FSTL4: variants seen among roughly 807,000 people sequenced by gnomAD.
The protein encoded by FSTL4 is follistatin-related protein 4.
Under a neutral mutation model 78.2 loss-of-function variants are expected in FSTL4, and 28 were observed. The observed-to-expected ratio is 0.36, with a 90% CI of 0.27 to 0.49. The LOEUF (loss-of-function observed/expected upper bound fraction) is 0.49, where lower values mean the gene tolerates loss of function less well. Among genes scored for constraint, FSTL4 ranks in the 20% least tolerant of loss-of-function variants. FSTL4 has a pLI of 0.98. For missense variants in FSTL4, 922 were observed against 1,084.9 expected, an observed-to-expected ratio of 0.85 and a Z score of 2.11; for synonymous variants, 422 against 440.5, an observed-to-expected ratio of 0.96 and a Z score of 0.53.
the FSTL4 span, among the ~76,000 whole-genome samples, chr5:133,646,302 C>T: frequency 8.0e-3 from 1,221 of 152,156 alleles, 10 homozygotes; most frequent in South Asian, 0.015. Context: ...GAAAATAAGT[C>T]AAAGGCTCTG....
the FSTL4 span, among the ~76,000 whole-genome samples, chr5:133,689,831 C>T: frequency 2.7e-4 from 41 of 152,194 alleles, no homozygotes; most frequent in Non-Finnish European, 4.3e-4. Context: ...GAAGGATAGG[C>T]GGGTGGATCA....
intron 14 of FSTL4, among the ~76,000 whole-genome samples, chr5:133,205,249 A>G (rs1405498518): frequency 6.6e-6 from 1 of 152,130 alleles, no homozygotes; most frequent in African/African-American, 2.4e-5. Flanking sequence ...AACGTCCTAC[A>G]TGTTTTCTCT....
the FSTL4 span, among the ~76,000 whole-genome samples, chr5:133,638,842 C>T: frequency 1.3e-5 from 2 of 151,646 alleles, no homozygotes; most frequent in Non-Finnish European, 2.9e-5. Context: ...AAAAGTATAT[C>T]GTGAACACTT....
intron 4 of FSTL4, among the ~76,000 whole-genome samples, chr5:133,337,106 G>A (rs1049469602): frequency 6.6e-6 from 1 of 152,252 alleles, no homozygotes; most frequent in Non-Finnish European, 1.5e-5. Flanking sequence ...CACAGTGCTC[G>A]ATTTGGGATA....
chr5:133,225,140 G>A lies in FSTL4; in HGVS notation c.1312+10C>T. On this transcript the variant is annotated intron_variant, in intron 10 of 15. Coordinates refer to ENST00000265342, the MANE Select transcript of FSTL4 (RefSeq NM_015082.2). The surrounding 1 kb of genome is among the most constrained non-coding windows in gnomAD (Gnocchi z 4.6). ...AGCTCAGTGAGAAGCATAAACGCGT[G>A]TCGACTTACGGGTCTTTCTAGCTGA... 1 of 1,614,196 alleles carries A rather than the reference G, an allele frequency of 6.2e-7. No individual in the cohort carries two copies. Among genetic ancestry groups the A allele is most frequent in the South Asian group, 1.1e-5 (1 of 91,082 alleles).
intron 3 of FSTL4, among the ~76,000 whole-genome samples, chr5:133,444,620 G>A (rs1046616122): frequency 3.9e-5 from 6 of 152,208 alleles, no homozygotes; most frequent in African/African-American, 1.4e-4. Flanking sequence ...GAGCTGCTGG[G>A]CCCTGGCTTC....
chr5:133,537,015 G>A (rs766695744), intron 3 of FSTL4, among the ~76,000 whole-genome samples: 25 of 152,112 alleles, frequency 1.6e-4, no homozygotes, highest in Non-Finnish European at 2.6e-4. Flanking sequence ...CCTAGAGTAC[G>A]GCATTTTCAG....
the FSTL4 span, among the ~76,000 whole-genome samples, chr5:133,743,995 A>G: frequency 1.3e-5 from 2 of 152,226 alleles, no homozygotes; most frequent in African/African-American, 2.4e-5. Context: ...CGGCCCTAGG[A>G]GTGGCTGGCA....
chr5:133,227,628 G>A (rs977672611), intron 8 of FSTL4, among the ~76,000 whole-genome samples: 1 of 152,120 alleles, frequency 6.6e-6, no homozygotes, highest in South Asian at 2.1e-4. Flanking sequence ...TAATAAGCTT[G>A]GGTTCTTACT....
chr5:133,227,686 C>G (rs1050171713), intron 8 of FSTL4, among the ~76,000 whole-genome samples: 13 of 151,898 alleles, frequency 8.6e-5, no homozygotes, highest in Non-Finnish European at 1.8e-4. Flanking sequence ...ACAGAATAAA[C>G]TTAAAGAAAG....
intron 6 of FSTL4, among the ~76,000 whole-genome samples, chr5:133,300,412 G>A (rs79538589): frequency 1.3e-5 from 2 of 152,270 alleles, no homozygotes; most frequent in African/African-American, 2.4e-5. Flanking sequence ...AACCCTGTTT[G>A]TTCTGTCTGA....
At chr5:133,704,678 C>T in the FSTL4 span, among the ~76,000 whole-genome samples, 1 of 152,248 alleles carries the variant, frequency 6.6e-6, no homozygotes, top group African/African-American at 2.4e-5. Flanking sequence ...CCAGCCTGGG[C>T]ATGATAAGAT....
chr5:133,713,340 T>C, the FSTL4 span, among the ~76,000 whole-genome samples: 5 of 152,218 alleles, frequency 3.3e-5, no homozygotes, highest in African/African-American at 1.2e-4. Context: ...GCAAATTGCA[T>C]GATCTGATAG....
the FSTL4 span, among the ~76,000 whole-genome samples, chr5:133,737,851 C>T: frequency 6.6e-6 from 1 of 152,134 alleles, no homozygotes; most frequent in Non-Finnish European, 1.5e-5. Flanking sequence ...GATCCACCTG[C>T]CTCAGCCTCC....
the FSTL4 span, among the ~76,000 whole-genome samples, chr5:133,778,568 G>A: frequency 2.0e-5 from 3 of 152,164 alleles, no homozygotes; most frequent in Non-Finnish European, 4.4e-5. Flanking sequence ...GAGAGCTTGT[G>A]GGAACTCTGA....
chr5:133,252,985 C>A (rs1361990125), intron 6 of FSTL4, among the ~76,000 whole-genome samples: 2 of 152,196 alleles, frequency 1.3e-5, no homozygotes, highest in African/African-American at 4.8e-5. Context: ...ACTGATAGAA[C>A]CATCGTAGTT....
In FSTL4 at chr5:133,471,636, T is replaced by G. The variant is rs148804780; in HGVS notation, c.161-70650A>C. Among the ~76,000 whole-genome samples, 308 of 152,316 alleles carry G rather than the reference T, an allele frequency of 2.0e-3. 2 individuals carry two copies. Among genetic ancestry groups the G allele is most frequent in the African/African-American group, 7.0e-3 (292 of 41,564 alleles). ...TTAGACTTCTCAGCCACCGAAATTT[T>G]AAATTTCTGTTGTTTATCAGCTACC... On this transcript the variant is annotated intron_variant, in intron 3 of 15. Transcript: ENST00000265342.
chr5:133,642,775 G>T, the FSTL4 span, among the ~76,000 whole-genome samples: 11,010 of 152,192 alleles, frequency 0.072, 413 homozygotes, highest in Middle Eastern at 0.092. Context: ...AAAATAATAA[G>T]AAATTTAAAT....
intron 3 of FSTL4, among the ~76,000 whole-genome samples, chr5:133,544,455 A>G (rs1259718300): frequency 6.6e-6 from 1 of 152,210 alleles, no homozygotes; most frequent in Admixed American, 6.5e-5. Context: ...CTTAAAAATC[A>G]CTGTACAGCT....
Sources: allele counts gnomAD v4.1 joint callset (sites outside exome capture counted in the v4.1 genomes callset), GRCh38; gene constraint gnomAD v4.1.1; non-coding constraint Gnocchi (gnomAD v3.1); transcripts MANE v1.5; gene names NCBI Gene and HGNC (gene_info 2026-07-23, HGNC 2026-07-21).